The following SAMD5 variants were observed in gnomAD, a reference collection of about 807,000 sequenced individuals.
SAMD5 encodes sterile alpha motif domain containing 5, also known as sterile alpha motif domain-containing protein 5.
In SAMD5, 13 loss-of-function variants were observed where a neutral mutation model predicts 11.3. The ratio of observed to expected loss-of-function variants is 1.15; its 90% CI spans 0.75 to 1.83. The LOEUF is 1.83. Ranked by LOEUF, SAMD5 falls within the 40% of genes most tolerant of loss-of-function variation. The pLI, the probability that SAMD5 is intolerant of heterozygous loss-of-function variation, is 0.00. For missense variants in SAMD5, 255 were observed against 239.1 expected (o/e 1.07, Z -0.44); for synonymous variants, 129 against 111.3 (o/e 1.16, Z -1.00).
At chr6:147,529,969 C>T (rs561424729) in intron 1 of SAMD5, among the ~76,000 whole-genome samples, 51 of 152,316 alleles carry the variant, frequency 3.3e-4, no homozygotes, top group Non-Finnish European at 5.6e-4. Flanking sequence ...TTCTAGAAAT[C>T]AGTTGAGAAG....
chr6:147,666,861 T>C (rs1350163062), intron 1 of SAMD5, among the ~76,000 whole-genome samples: 2 of 152,170 alleles, frequency 1.3e-5, no homozygotes, highest in East Asian at 1.9e-4. Context: ...TTTATTCCCG[T>C]AAATTACATC....
chr6:147,874,013 C>T, the SAMD5 span, among the ~76,000 whole-genome samples: 1 of 152,170 alleles, frequency 6.6e-6, no homozygotes, highest in African/African-American at 2.4e-5. Context: ...TCAAAAGTTA[C>T]AGCATTTAAA....
chr6:147,952,667 C>T, the SAMD5 span, among the ~76,000 whole-genome samples: 1 of 152,124 alleles, frequency 6.6e-6, no homozygotes, highest in African/African-American at 2.4e-5. Context: ...TGCACCACCA[C>T]ACCCGCGAAT....
At chr6:147,754,117 A>G in the SAMD5 span, among the ~76,000 whole-genome samples, 1 of 152,182 alleles carries the variant, frequency 6.6e-6, no homozygotes, top group Non-Finnish European at 1.5e-5. Context: ...GTTTCTGAGG[A>G]AACTCCAAAG....
chr6:147,928,206 A>C, the SAMD5 span, among the ~76,000 whole-genome samples: 1 of 151,534 alleles, frequency 6.6e-6, no homozygotes, highest in Non-Finnish European at 1.5e-5. Flanking sequence ...AGGAGTCCTC[A>C]GTTTTGGGAA....
the SAMD5 span, among the ~76,000 whole-genome samples, chr6:147,871,615 A>T: frequency 1.3e-5 from 2 of 152,210 alleles, no homozygotes; most frequent in Non-Finnish European, 2.9e-5. Flanking sequence ...CAAAATTAAC[A>T]ATATCATTCC....
At chr6:147,912,197 C>A in the SAMD5 span, among the ~76,000 whole-genome samples, 1 of 151,796 alleles carries the variant, frequency 6.6e-6, no homozygotes, top group Non-Finnish European at 1.5e-5. Flanking sequence ...ATTTAGAACA[C>A]AAGAAACTAA....
At chr6:147,679,690 A>G (rs1790913707) in intron 1 of SAMD5, among the ~76,000 whole-genome samples, 1 of 151,878 alleles carries the variant, frequency 6.6e-6, no homozygotes, top group African/African-American at 2.4e-5. Flanking sequence ...TTCTTTGATC[A>G]TCATTTTGTT....
chr6:147,922,152 C>A, the SAMD5 span, among the ~76,000 whole-genome samples: 6 of 152,096 alleles, frequency 3.9e-5, no homozygotes, highest in South Asian at 1.2e-3. Flanking sequence ...GTCCCCAGGG[C>A]CCGTGTGTGT....
rs77179402 is a variant in SAMD5, at chr6:147,602,914, T to C, written c.162+93527T>C. On this transcript the variant is annotated intron_variant, in intron 1 of 1. Transcript: ENST00000566741. ...ATGTGTGGTTGCGGAGGCTGAGGGA[T>C]GCTGAAAGCACAACTCTGTCTGGAA... 8.1e-3 allele frequency among the ~76,000 whole-genome samples: 1,237 copies of C among 152,252 alleles called. 25 individuals carry two copies. The highest frequency in any genetic ancestry group is 0.028 in the African/African-American group (1,181 of 41,550).
At chr6:147,649,145 C>A (rs1790446099) in intron 1 of SAMD5, among the ~76,000 whole-genome samples, 1 of 152,166 alleles carries the variant, frequency 6.6e-6, no homozygotes, top group African/African-American at 2.4e-5. Flanking sequence ...AGTCCAGACC[C>A]TAGGCAGCAG....
intron 1 of SAMD5, among the ~76,000 whole-genome samples, chr6:147,634,310 G>A (rs180756637): frequency 2.6e-5 from 4 of 152,260 alleles, no homozygotes; most frequent in Admixed American, 2.0e-4. Context: ...CTCTTAGATG[G>A]CCAGAGCAGA....
the SAMD5 span, among the ~76,000 whole-genome samples, chr6:147,894,823 T>C: frequency 6.6e-6 from 1 of 152,234 alleles, no homozygotes; most frequent in African/African-American, 2.4e-5. Context: ...GCTCATTTTT[T>C]GGAAACTACC....
the SAMD5 span, among the ~76,000 whole-genome samples, chr6:147,894,459 C>A: frequency 6.6e-6 from 1 of 152,014 alleles, no homozygotes; most frequent in Admixed American, 6.6e-5. Flanking sequence ...GTAGGTCACC[C>A]AGAAAAATAA....
the SAMD5 span, among the ~76,000 whole-genome samples, chr6:147,793,041 A>G: frequency 6.6e-6 from 1 of 152,200 alleles, no homozygotes; most frequent in Non-Finnish European, 1.5e-5. Flanking sequence ...TTAAGTGTGG[A>G]CTGCATGTAG....
the SAMD5 span, among the ~76,000 whole-genome samples, chr6:147,813,914 T>C: frequency 6.6e-6 from 1 of 152,230 alleles, no homozygotes; most frequent in Non-Finnish European, 1.5e-5. Context: ...TGTAAGACGA[T>C]TTTGTTAAAT....
chr6:147,807,163 G>C, the SAMD5 span, among the ~76,000 whole-genome samples: 1 of 151,892 alleles, frequency 6.6e-6, no homozygotes, highest in South Asian at 2.1e-4. Flanking sequence ...GTAGTGGCAC[G>C]ATCTCGGCTC....
At chr6:147,599,405 G>A (rs1391154602) in intron 1 of SAMD5, among the ~76,000 whole-genome samples, 6 of 152,168 alleles carry the variant, frequency 3.9e-5, no homozygotes, top group South Asian at 2.1e-4. Context: ...ACTGTAAAAT[G>A]TCAATGAATC....
chr6:147,892,132 C>A, the SAMD5 span, among the ~76,000 whole-genome samples: 6 of 152,170 alleles, frequency 3.9e-5, no homozygotes, highest in Non-Finnish European at 7.4e-5. Flanking sequence ...TCCCTCTCTT[C>A]CTGTCTCCCT....
Sources: gnomAD v4.1 joint callset for allele counts (sites outside exome capture counted in the v4.1 genomes callset) on GRCh38, gnomAD v4.1.1 for gene constraint, MANE v1.5 for transcripts, NCBI Gene and HGNC (gene_info 2026-07-23, HGNC 2026-07-21) for gene names.